Variants in PCBD2 observed in about 807,000 individuals in gnomAD.
PCBD2 encodes pterin-4-alpha-carbinolamine dehydratase 2.
Under a neutral mutation model 16.4 loss-of-function variants are expected in PCBD2, and 12 were observed. The ratio of observed to expected loss-of-function variants is 0.73; its 90% CI spans 0.47 to 1.19. The LOEUF (loss-of-function observed/expected upper bound fraction) is 1.19. PCBD2 is among the 50% of genes most tolerant of loss of function. The pLI is 0.00. For missense variants in PCBD2, 138 were observed against 156.8 expected (o/e 0.88, Z 0.64); for synonymous variants, 58 against 61.8 (o/e 0.94, Z 0.29).
chr5:134,924,352 A>G, intron 2 of PCBD2: 1 of 395,554 alleles, frequency 2.5e-6, no homozygotes, highest in Non-Finnish European at 4.5e-6. Context: ...GCTATTGAGG[A>G]GTATCCTGAG....
intron 2 of PCBD2, among the ~76,000 whole-genome samples, chr5:134,929,487 G>A (rs1580886064): frequency 6.6e-6 from 1 of 152,234 alleles, no homozygotes; most frequent in East Asian, 1.9e-4. Context: ...GCCCATTGGA[G>A]GAAGCAGCAT....
At chr5:134,958,707 C>T (rs1200605830) in intron 2 of PCBD2, among the ~76,000 whole-genome samples, 2 of 152,120 alleles carry the variant, frequency 1.3e-5, no homozygotes, top group African/African-American at 4.8e-5. Context: ...GTAGTGAGAC[C>T]CAGAGCACTG....
intron 2 of PCBD2, among the ~76,000 whole-genome samples, chr5:134,934,149 A>G (rs1751130606): frequency 6.6e-6 from 1 of 152,114 alleles, no homozygotes; most frequent in South Asian, 2.1e-4. Context: ...TGTTTTATAC[A>G]TATTTGTGTT....
At chr5:134,909,850 C>T (rs1485525953) in intron 1 of PCBD2, among the ~76,000 whole-genome samples, 1 of 152,192 alleles carries the variant, frequency 6.6e-6, no homozygotes, top group Non-Finnish European at 1.5e-5. Flanking sequence ...GGGCAGATCA[C>T]TTGAGCTCAG....
intron 1 of PCBD2, among the ~76,000 whole-genome samples, chr5:134,906,234 C>T (rs1651567439): frequency 1.0e-5 from 1 of 98,016 alleles, no homozygotes; most frequent in South Asian, 3.6e-4. Context: ...GAAGGAGAAT[C>T]ACGCCGTCAC....
chr5:134,952,313 G>T (rs1394022320), intron 2 of PCBD2, among the ~76,000 whole-genome samples: 1 of 152,040 alleles, frequency 6.6e-6, no homozygotes, highest in East Asian at 1.9e-4. Context: ...GCATTCCAGA[G>T]AATGTTTTCA....
intron 2 of PCBD2, among the ~76,000 whole-genome samples, chr5:134,957,568 GAGGCAGGA>G (rs1751428450): frequency 6.6e-6 from 1 of 152,186 alleles, no homozygotes; most frequent in African/African-American, 2.4e-5. Context: ...TTGGGAGGCT[GAGGCAGGA>G]GGATCCCTTG....
intron 2 of PCBD2, 71 bp from the exon 3 acceptor site, chr5:134,958,969 G>C: frequency 8.3e-7 from 1 of 1,200,370 alleles, no homozygotes; most frequent in Non-Finnish European, 1.2e-6. Flanking sequence ...TGGTTGGATT[G>C]CTCTGTTGTG....
intron 2 of PCBD2, among the ~76,000 whole-genome samples, chr5:134,944,272 A>C (rs1248608731): frequency 6.6e-6 from 1 of 152,168 alleles, no homozygotes; most frequent in Non-Finnish European, 1.5e-5. Flanking sequence ...ACCTTGGAGA[A>C]ACTTTGCAAT....
intron 1 of PCBD2, among the ~76,000 whole-genome samples, chr5:134,907,277 C>G (rs1750704475): frequency 6.6e-6 from 1 of 152,240 alleles, no homozygotes; most frequent in Non-Finnish European, 1.5e-5. Context: ...CGGAGTCTCG[C>G]TCTGTTGCCC....
intron 1 of PCBD2, 98 bp downstream of exon 1, chr5:134,905,321 C>A: frequency 9.4e-7 from 1 of 1,060,978 alleles, no homozygotes; most frequent in East Asian, 3.5e-5. Flanking sequence ...TGGGGCGAAC[C>A]CGGCGTGGGC....
chr5:134,941,221 A>G (rs1317508720), intron 2 of PCBD2, among the ~76,000 whole-genome samples: 4 of 151,640 alleles, frequency 2.6e-5, no homozygotes, highest in Non-Finnish European at 4.4e-5. Flanking sequence ...TGATGATGAT[A>G]TCCTTGCCAT....
chr5:134,925,157 G>A (rs1425056389), intron 2 of PCBD2: 3 of 398,106 alleles, frequency 7.5e-6, no homozygotes, highest in African/African-American at 6.2e-5. Flanking sequence ...GGGAAGCGAG[G>A]CTGACCTGTT....
chr5:134,936,599 C>T (rs1013966182), intron 2 of PCBD2, among the ~76,000 whole-genome samples: 4 of 152,234 alleles, frequency 2.6e-5, no homozygotes, highest in African/African-American at 9.6e-5. Flanking sequence ...ACTTGTTTTG[C>T]TGACCATGAT....
intron 2 of PCBD2, among the ~76,000 whole-genome samples, chr5:134,945,394 G>A (rs981447725): frequency 3.9e-5 from 6 of 152,092 alleles, no homozygotes; most frequent in Admixed American, 6.6e-5. Context: ...GAAAACAAAT[G>A]ATCTTGTTTA....
At chr5:134,931,714 T>C (rs552459447) in intron 2 of PCBD2, among the ~76,000 whole-genome samples, 1 of 152,340 alleles carries the variant, frequency 6.6e-6, no homozygotes, top group East Asian at 1.9e-4. Flanking sequence ...ACAAAGGATA[T>C]GGATTGCAGT....
chr5:134,957,558 T>C (rs528850086), intron 2 of PCBD2, among the ~76,000 whole-genome samples: 218 of 152,310 alleles, frequency 1.4e-3, no homozygotes, highest in Middle Eastern at 3.4e-3. Flanking sequence ...TCCCAGCTCC[T>C]TGGGAGGCTG....
chr5:134,934,015 G>T (rs1168385312), intron 2 of PCBD2, among the ~76,000 whole-genome samples: 5 of 152,190 alleles, frequency 3.3e-5, no homozygotes, highest in Non-Finnish European at 7.3e-5. Flanking sequence ...AATTCAGGAA[G>T]AGTTATTTCA....
chr5:134,920,617 CTGTT>C (rs1216463112), intron 2 of PCBD2, among the ~76,000 whole-genome samples: 2 of 151,430 alleles, frequency 1.3e-5, no homozygotes, highest in African/African-American at 2.4e-5. Flanking sequence ...GCTAATGACT[CTGTT>C]TGCTTGTGTG....
Sources: gnomAD v4.1 joint callset for allele counts (sites outside exome capture counted in the v4.1 genomes callset) on GRCh38, gnomAD v4.1.1 for gene constraint, MANE v1.5 for transcripts, NCBI Gene and HGNC (gene_info 2026-07-23, HGNC 2026-07-21) for gene names.